Variants in BMPR2 observed in about 807,000 individuals in gnomAD.
BMPR2 encodes the protein bone morphogenetic protein receptor type-2.
Under a neutral mutation model 100.8 loss-of-function variants are expected in BMPR2, and 29 were observed. The ratio of observed to expected loss-of-function variants is 0.29; its 90% CI spans 0.21 to 0.39. BMPR2 has a LOEUF of 0.39. Ranked by LOEUF, BMPR2 falls within the 10% of genes least tolerant of loss-of-function variation. BMPR2 has a pLI of 1.00. For missense variants in BMPR2, 1,011 were observed against 1,274.5 expected (o/e 0.79, Z 3.15); for synonymous variants, 382 against 442.3 (o/e 0.86, Z 1.71).
rs569869614 is a variant in BMPR2 at position 202,474,469 on chromosome 2, C to A, written c.418+6780C>A. Among the ~76,000 whole-genome samples, 242 of 152,144 alleles carry A rather than the reference C, an allele frequency of 1.6e-3. 1 individual carries two copies. The highest frequency in any genetic ancestry group is 2.0e-3 in the African/African-American group (83 of 41,516). ...GAAAGAGATTCCGTCTCAAAAAAAA[C>A]CAAAAACAAAACAAAACAAAAAAGT... is the stretch of plus-strand genomic sequence containing the variant. On this transcript the variant is annotated intron_variant, in intron 3 of 12. Transcript: ENST00000374580.
intron 10 of BMPR2, among the ~76,000 whole-genome samples, chr2:202,545,139 G>A (rs1212123879): frequency 4.0e-5 from 2 of 49,504 alleles, no homozygotes; most frequent in Admixed American, 2.2e-4. Flanking sequence ...TGTACCACCT[G>A]ACATTCTAAG....
intron 3 of BMPR2, among the ~76,000 whole-genome samples, chr2:202,507,404 G>A (rs755721687): frequency 6.6e-6 from 1 of 151,958 alleles, no homozygotes; most frequent in African/African-American, 2.4e-5. Context: ...TTTTCACATT[G>A]GTCGAGACAG....
intron 1 of BMPR2, among the ~76,000 whole-genome samples, chr2:202,412,562 G>A (rs1182431093): frequency 2.0e-5 from 3 of 152,044 alleles, no homozygotes; most frequent in African/African-American, 7.2e-5. Flanking sequence ...CTCGTGATCC[G>A]CCCGCCTCGG....
intron 1 of BMPR2, among the ~76,000 whole-genome samples, chr2:202,411,006 G>A (rs977995616): frequency 1.3e-5 from 2 of 152,072 alleles, no homozygotes; most frequent in Non-Finnish European, 2.9e-5. Context: ...ATAAATAGAA[G>A]GAGTGATGGA....
intron 1 of BMPR2, among the ~76,000 whole-genome samples, chr2:202,447,816 A>C (rs1354429442): frequency 6.6e-6 from 1 of 150,736 alleles, no homozygotes; most frequent in Non-Finnish European, 1.5e-5. Context: ...AGGAAGATCC[A>C]TATTTAAAAT....
At chr2:202,391,700 C>G (rs1690552589) in intron 1 of BMPR2, among the ~76,000 whole-genome samples, 1 of 151,954 alleles carries the variant, frequency 6.6e-6, no homozygotes, top group Admixed American at 6.6e-5. Flanking sequence ...ATCCTCTCAC[C>G]TCAGCCCCCC....
At chr2:202,380,350 C>T (rs1690253659) in intron 1 of BMPR2, among the ~76,000 whole-genome samples, 2 of 152,278 alleles carry the variant, frequency 1.3e-5, no homozygotes, top group South Asian at 2.1e-4. Context: ...TTACATACAT[C>T]TCTTGAGGAA....
At chr2:202,427,233 C>G (rs185625179) in intron 1 of BMPR2, among the ~76,000 whole-genome samples, 1 of 151,846 alleles carries the variant, frequency 6.6e-6, no homozygotes, top group Non-Finnish European at 1.5e-5. Context: ...TGATGTGTGC[C>G]TGGTACTTCC....
At chr2:202,409,083 G>A (rs1430735383) in intron 1 of BMPR2, among the ~76,000 whole-genome samples, 5 of 152,156 alleles carry the variant, frequency 3.3e-5, no homozygotes, top group Non-Finnish European at 7.3e-5. Flanking sequence ...AGTGGCTCAC[G>A]CCTGTAATTC....
rs1010371711 is a variant in BMPR2, at chr2:202,561,366, G to A, written c.*1420G>A. 5.3e-5 allele frequency: 8 copies of A among 151,884 alleles called. No individual in the cohort carries two copies. The highest frequency in any genetic ancestry group is 1.2e-4 in the African/African-American group (5 of 41,350). 9.4% of individuals were successfully genotyped at this position (151,884 alleles called of 1,614,324 possible). A position where few individuals can be genotyped will look rare whatever the true frequency, so the allele number is the denominator to read the frequency against. Reference sequence around the variant, plus strand: ...TATTTACATTAGAGTATACCTTTTAGTAATAAAATGACTTGAAATCATATT... The same window carrying A: ...TATTTACATTAGAGTATACCTTTTAATAATAAAATGACTTGAAATCATATT... On this transcript the variant is annotated 3_prime_UTR_variant, in exon 13 of 13. Transcript: ENST00000374580.
At chr2:202,540,436 A>G (rs188125436) in intron 9 of BMPR2, among the ~76,000 whole-genome samples, 1 of 152,170 alleles carries the variant, frequency 6.6e-6, no homozygotes, top group East Asian at 1.9e-4. Context: ...CTCAAGTTCA[A>G]TGTTGATGTT....
intron 9 of BMPR2, among the ~76,000 whole-genome samples, chr2:202,541,941 A>G (rs1688283596): frequency 6.6e-6 from 1 of 151,962 alleles, no homozygotes; most frequent in Admixed American, 6.6e-5. Flanking sequence ...GTGAAACCCT[A>G]TCTCTACTAA....
At position 202,560,257 on chromosome 2, in the gene BMPR2, C is replaced by A; in HGVS notation, c.*311C>A. Reference sequence around the variant, plus strand: ...CAAAATATTTTTTTAAGAAAAAAAGCAAAAACAATGTATTGCTGATAATCA... The same window carrying A: ...CAAAATATTTTTTTAAGAAAAAAAGAAAAAACAATGTATTGCTGATAATCA... On this transcript the variant is annotated 3_prime_UTR_variant, in exon 13 of 13. Coordinates refer to ENST00000374580, the MANE Select transcript of BMPR2 (RefSeq NM_001204.7). 3 of 332,838 alleles carry A rather than the reference C, an allele frequency of 9.0e-6. No homozygotes were observed. The highest frequency in any genetic ancestry group is 1.7e-5 in the Non-Finnish European group (3 of 176,934). 20.6% of individuals were successfully genotyped at this position (332,838 alleles called of 1,614,324 possible). A position where few individuals can be genotyped will look rare whatever the true frequency, so the allele number is the denominator to read the frequency against.
chr2:202,386,217 T>C (rs1690423656), intron 1 of BMPR2, among the ~76,000 whole-genome samples: 1 of 152,220 alleles, frequency 6.6e-6, no homozygotes, highest in African/African-American at 2.4e-5. Context: ...AAGTTTCAAA[T>C]TTATTTCTAT....
intron 2 of BMPR2, among the ~76,000 whole-genome samples, chr2:202,466,055 T>C (rs1692314759): frequency 6.6e-6 from 1 of 152,228 alleles, no homozygotes; most frequent in South Asian, 2.1e-4. Flanking sequence ...ATGTTTTCAC[T>C]GTAATGCATA....
chr2:202,457,542 T>TTATA lies in BMPR2; in HGVS notation c.77-7250_77-7247dup, dbSNP rs775599027. 2.0e-3 allele frequency among the ~76,000 whole-genome samples: 270 copies of TTATA among 134,014 alleles called. 3 individuals carry two copies. The highest frequency in any genetic ancestry group is 3.0e-3 in the Admixed American group (38 of 12,514). The allele number at this position is 134,014 out of a possible 152,430, so 87.9% of individuals were successfully genotyped here. A position where few individuals can be genotyped will look rare whatever the true frequency, so the allele number is the denominator to read the frequency against. ...AAGATATATTATTTTTAGCAATATT[T>TTATA]TATATATATATATATATATAGAGAG... is the stretch of plus-strand genomic sequence containing the variant. On this transcript the variant is annotated intron_variant, in intron 1 of 12. Transcript: ENST00000374580.
At chr2:202,513,912 T>TA (rs1412070711) in intron 4 of BMPR2, 83 bp downstream of exon 4, 39 of 1,088,736 alleles carry the variant, frequency 3.6e-5, no homozygotes, top group Non-Finnish European at 4.6e-5. Context: ...TTCCGTATGT[T>TA]AAAAAAAATA....
At position 202,530,957 on chromosome 2, in the gene BMPR2, G is replaced by A. The variant is rs1302876494; in HGVS notation, c.1128+3G>A. Reference sequence around the variant, plus strand: ...AAGATAATGCAGCCATAAGCGAGGTGAGTGTATACAAAAGGTATCACACTG... The same window carrying A: ...AAGATAATGCAGCCATAAGCGAGGTAAGTGTATACAAAAGGTATCACACTG... On this transcript the variant is annotated splice_donor_region_variant and intron_variant, in intron 8 of 12. Transcript: ENST00000374580. 1 of 1,613,952 alleles carries A rather than the reference G, an allele frequency of 6.2e-7. No homozygotes were observed. Among genetic ancestry groups the A allele is most frequent in the Non-Finnish European group, 8.5e-7 (1 of 1,179,908 alleles).
intron 3 of BMPR2, among the ~76,000 whole-genome samples, chr2:202,511,701 A>T (rs556951807): frequency 1.3e-5 from 2 of 152,186 alleles, no homozygotes; most frequent in East Asian, 3.9e-4. Context: ...AGGCACAATG[A>T]TCAATGTGTT....
Sources: gnomAD v4.1 joint callset for allele counts (sites outside exome capture counted in the v4.1 genomes callset) on GRCh38, gnomAD v4.1.1 for gene constraint, MANE v1.5 for transcripts, NCBI Gene and HGNC (gene_info 2026-07-23, HGNC 2026-07-21) for gene names.